Variants in PCM1 observed in about 807,000 individuals in gnomAD.
PCM1 encodes pericentriolar material 1 protein.
In PCM1, 157 loss-of-function variants were observed where a neutral mutation model predicts 241.9. That is an observed-to-expected ratio of 0.65 (90% CI 0.57 to 0.74). PCM1 has a LOEUF of 0.74. PCM1 is among the 30% of genes least tolerant of loss of function. PCM1 has a pLI of 0.00. For synonymous variants in PCM1, 1,085 were observed against 784.9 expected (o/e 1.38, Z -6.39); for missense variants, 3,478 against 2,360.1 (o/e 1.47, Z -9.81).
intron 2 of PCM1, chr8:17,927,306 T>G (rs868317364): frequency 6.6e-6 from 1 of 151,836 alleles, no homozygotes; most frequent in Non-Finnish European, 1.5e-5. Context: ...AATATTTGCG[T>G]TTTTAGTAGA....
chr8:17,952,754 C>T (rs993180050), intron 8 of PCM1, among the ~76,000 whole-genome samples: 11 of 152,048 alleles, frequency 7.2e-5, no homozygotes, highest in African/African-American at 2.7e-4. Flanking sequence ...TTGAACCAAT[C>T]CCTCATGGAT....
At chr8:17,989,442 T>G (rs1255490375) in intron 26 of PCM1, among the ~76,000 whole-genome samples, 2 of 152,072 alleles carry the variant, frequency 1.3e-5, no homozygotes, top group East Asian at 3.8e-4. Flanking sequence ...TAAAGTTTAT[T>G]TTTTAAAAAT....
intron 6 of PCM1, 200 bp downstream of exon 6, chr8:17,940,061 A>T: frequency 6.3e-7 from 1 of 1,576,332 alleles, no homozygotes; most frequent in Non-Finnish European, 8.6e-7. Flanking sequence ...AATGAGGAGG[A>T]GGATGTTCGG....
chr8:17,967,669 C>CTATTAGGAATAGTTGAAA lies in PCM1; in HGVS notation c.3412+500_3412+501insATTAGGAATAGTTGAAAT, dbSNP rs1225234954. Among the ~76,000 whole-genome samples the CTATTAGGAATAGTTGAAA allele has an allele frequency of 3.9e-5, 6 of 152,282 alleles. No homozygotes were observed. In the South Asian group the frequency reaches 6.2e-4, roughly 16 times the overall value. ...GTTGCTAATGAAATTAAGTAAACTA[C>CTATTAGGAATAGTTGAAA]TTAGGAATGATTGCTTCAACTATTT... On this transcript the variant is annotated intron_variant, in intron 21 of 38. Transcript: ENST00000325083.
intron 36 of PCM1, chr8:18,025,045 A>G (rs2094080844): frequency 4.4e-6 from 1 of 226,714 alleles, no homozygotes; most frequent in Non-Finnish European, 8.5e-6. Flanking sequence ...TCTCGTGTTC[A>G]GTAAACATAT....
At chr8:17,959,745 C>T (rs181903057) in intron 13 of PCM1, among the ~76,000 whole-genome samples, 12 of 152,114 alleles carry the variant, frequency 7.9e-5, no homozygotes, top group African/African-American at 2.9e-4. Context: ...TATTGATATA[C>T]CGTAGCTTGT....
intron 7 of PCM1, among the ~76,000 whole-genome samples, chr8:17,949,010 A>G (rs1000552149): frequency 6.6e-6 from 1 of 152,160 alleles, no homozygotes; most frequent in Non-Finnish European, 1.5e-5. Context: ...GCAGAATTAC[A>G]TTTCTTGAAT....
In PCM1 at chr8:17,970,431, A is replaced by ATT. The variant is rs11399726; in HGVS notation, c.3584+697_3584+698dup. ...TTTAATTACTGAGTCATTAACTGGG[A>ATT]TTTTTTTTTTTTTTTACTCGATTAA... On this transcript the variant is annotated intron_variant, in intron 22 of 38. Transcript: ENST00000325083. 5.8e-3 allele frequency among the ~76,000 whole-genome samples: 826 copies of ATT among 142,992 alleles called. 10 individuals carry two copies. The highest frequency in any genetic ancestry group is 0.019 in the African/African-American group (752 of 39,308). The allele number at this position is 142,992 out of a possible 152,430, so 93.8% of individuals were successfully genotyped here. A position where few individuals can be genotyped will look rare whatever the true frequency, so the allele number is the denominator to read the frequency against.
At chr8:17,932,989 A>G (rs1206267157) in intron 2 of PCM1, among the ~76,000 whole-genome samples, 1 of 152,188 alleles carries the variant, frequency 6.6e-6, no homozygotes, top group African/African-American at 2.4e-5. Context: ...TTGAGAAAGT[A>G]GTGACTCAAA....
rs184423801 is a variant in PCM1, at chr8:17,994,069, A to T, written c.4827+450A>T. 5.3e-5 allele frequency among the ~76,000 whole-genome samples: 8 copies of T among 152,292 alleles called. No homozygotes were observed. The East Asian group carries it at 1.5e-3, about 29-fold the overall frequency. On this transcript the variant is annotated intron_variant, in intron 29 of 38. Transcript: ENST00000325083. ...CCAGTTATACTCTTTTAGTTATTTT[A>T]AAATGTATAATTAAATTATTGACTG...
At chr8:17,939,902 T>C (rs2061529310) in intron 6 of PCM1, 41 bp downstream of exon 6, 1 of 1,227,886 alleles carries the variant, frequency 8.1e-7, no homozygotes, top group East Asian at 2.5e-5. Context: ...ATTTTTGTAG[T>C]ATCTCAGTGT....
rs1440601109 is a variant in PCM1, at chr8:17,935,623, G to A, written c.13G>A (p.Gly5Arg). The A allele has an allele frequency of 5.3e-6, 8 of 1,509,522 alleles. No individual in the cohort carries two copies. In the East Asian group the frequency reaches 1.6e-4, roughly 30 times the overall value. The allele number at this position is 1,509,522 out of a possible 1,614,324, so 93.5% of individuals were successfully genotyped here. MATG[G>R]GPFEDGMNDQ... is the part of the protein sequence containing the mutation. ...TGTTAAATCCAGTATGGCCACAGGA[G>A]GAGGTCCCTTTGAAGATGGCATGAA... is the stretch of plus-strand genomic sequence containing the variant. Residue 5 changes from glycine (G) to arginine (R), a missense_variant, in exon 3 of 39, where the codon GGA becomes AGA. Gly to Arg is a moderately radical substitution (Grantham distance 125, BLOSUM62 -2). Transcript: ENST00000325083.
Position 17,960,161 on chromosome 8 carries a change from G to A in PCM1, c.2188G>A (p.Ala730Thr), listed in dbSNP as rs2070989614. The change falls in exon 14 of 39, where the codon GCA becomes ACA. Residue 730 changes from alanine (A) to threonine (T), a missense_variant. Coordinates refer to ENST00000325083, the MANE Select transcript of PCM1 (RefSeq NM_006197.4). ...GAAAGATACTGGAGTAAATGAAAAGGCAAGGTATGTTAAGCTTTTGGCCTT... is the reference window on the plus strand; with the variant it reads ...GAAAGATACTGGAGTAAATGAAAAGACAAGGTATGTTAAGCTTTTGGCCTT... ...TQKDTGVNEK[A>T]REKFYEAKLQ... 1 of 1,567,210 alleles carries A rather than the reference G, an allele frequency of 6.4e-7. No homozygotes were observed. Among genetic ancestry groups the A allele is most frequent in the Non-Finnish European group, 8.6e-7 (1 of 1,157,662 alleles).
At chr8:17,983,253 C>T (rs1255716592) in intron 24 of PCM1, 3 of 1,324,100 alleles carry the variant, frequency 2.3e-6, no homozygotes, top group Non-Finnish European at 3.0e-6. Context: ...GAGAATACTA[C>T]AGCAGTCTAA....
chr8:17,945,983 T>C (rs2063647193), intron 6 of PCM1, among the ~76,000 whole-genome samples: 1 of 152,130 alleles, frequency 6.6e-6, no homozygotes, highest in Non-Finnish European at 1.5e-5. Flanking sequence ...AAAAGGTAAA[T>C]CGGTGATGAA....
At chr8:18,026,314 G>A (rs1415474867) in intron 38 of PCM1, among the ~76,000 whole-genome samples, 4 of 140,616 alleles carry the variant, frequency 2.8e-5, no homozygotes, top group African/African-American at 1.1e-4. Context: ...GAGTGCAGTG[G>A]TGTGATCTCA....
At position 17,972,448 on chromosome 8, in the gene PCM1, C is replaced by A. The variant is rs766367760; in HGVS notation, c.3704C>A (p.Ser1235Tyr). The A allele has an allele frequency of 6.2e-7, 1 of 1,613,190 alleles. No homozygotes were observed. The highest frequency in any genetic ancestry group is 8.5e-7 in the Non-Finnish European group (1 of 1,179,526). The change falls in exon 23 of 39, where the codon TCT becomes TAT. Residue 1235 changes from serine to tyrosine, a missense_variant. Ser to Tyr is a moderately radical substitution (Grantham distance 144). Coordinates refer to ENST00000325083, the MANE Select transcript of PCM1 (RefSeq NM_006197.4). The stretch of plus-strand genomic sequence containing the variant: ...GGATTTTCAGTGTCTGTAGAAAAAT[C>A]TACAAGTAGTAACCGCAAAAATCAA... ...KTGFSVSVEK[S>Y]TSSNRKNQLD...
Position 17,991,678 on chromosome 8 carries a change from T to C in PCM1, c.4668T>C (p.Gly1556=), listed in dbSNP as rs1209519723. 1 of 1,553,280 alleles carries C rather than the reference T, an allele frequency of 6.4e-7. No individual in the cohort carries two copies. Among genetic ancestry groups the C allele is most frequent in the South Asian group, 1.2e-5 (1 of 83,710 alleles). ...IIEDGDGAGA[G]TTVNNLEETP... is the part of the protein sequence containing the mutation. ...AGGATGGAGATGGTGCTGGTGCAGG[T>C]ACTACAGTTAATAATTTAGAAGGTA... The change falls in exon 28 of 39, where the codon GGT becomes GGC. Residue 1556 remains glycine (G), a synonymous_variant. Transcript: ENST00000325083.
intron 9 of PCM1, among the ~76,000 whole-genome samples, chr8:17,953,414 C>T (rs1258904617): frequency 6.6e-6 from 1 of 151,984 alleles, no homozygotes; most frequent in Non-Finnish European, 1.5e-5. Flanking sequence ...AAAGTTGGAC[C>T]TTGAAAAATT....
Sources: gnomAD v4.1 joint callset for allele counts (sites outside exome capture counted in the v4.1 genomes callset) on GRCh38, gnomAD v4.1.1 for gene constraint, MANE v1.5 for transcripts, NCBI Gene and HGNC (gene_info 2026-07-23, HGNC 2026-07-21) for gene names.